FXN: variants seen among roughly 807,000 people sequenced by gnomAD.
FXN encodes frataxin.
FXN carries 14 observed loss-of-function variants against 22.4 expected under a neutral mutation model. That is an observed-to-expected ratio of 0.62 (90% CI 0.41 to 0.98). The LOEUF (loss-of-function observed/expected upper bound fraction) is 0.98. Among genes scored for constraint, FXN ranks in the 50% least tolerant of loss-of-function variants. FXN has a pLI of 0.00. For missense variants in FXN, 267 were observed against 268.4 expected (o/e 0.99, Z 0.04); for synonymous variants, 120 against 114.1 (o/e 1.05, Z -0.33).
intron 1 of FXN, among the ~76,000 whole-genome samples, chr9:69,038,580 C>A (rs1347657387): frequency 1.3e-5 from 2 of 152,094 alleles, no homozygotes; most frequent in Non-Finnish European, 2.9e-5. Context: ...AATCCCAGGA[C>A]TTTGGGAGGC....
chr9:69,057,907 T>G (rs1487919541), intron 3 of FXN, among the ~76,000 whole-genome samples: 1 of 152,210 alleles, frequency 6.6e-6, no homozygotes, highest in Non-Finnish European at 1.5e-5. Context: ...CACACTGAGT[T>G]CCTCAACAGC....
intron 4 of FXN, among the ~76,000 whole-genome samples, chr9:69,066,349 TCTGTG>T (rs1832165626): frequency 3.3e-5 from 5 of 152,370 alleles, no homozygotes; most frequent in Middle Eastern, 3.4e-3. Flanking sequence ...CATTTATTAT[TCTGTG>T]ATCTCTAATG....
At chr9:69,041,652 G>C (rs747597972) in intron 1 of FXN, among the ~76,000 whole-genome samples, 13 of 152,228 alleles carry the variant, frequency 8.5e-5, no homozygotes, top group Middle Eastern at 3.2e-3. Flanking sequence ...GACAGGGCCG[G>C]GGGTGACAAG....
At chr9:69,066,911 G>C (rs1463209631) in intron 4 of FXN, among the ~76,000 whole-genome samples, 3 of 151,950 alleles carry the variant, frequency 2.0e-5, no homozygotes, top group Admixed American at 6.6e-5. Flanking sequence ...TTGAGACTGG[G>C]TGAGACTGAA....
rs1192858862 is a variant in FXN at position 69,075,957 on chromosome 9, G to A, written c.*3195G>A. 19 of 912,602 alleles carry A rather than the reference G, an allele frequency of 2.1e-5. No individual in the cohort carries two copies. The highest frequency in any genetic ancestry group is 5.4e-5 in the African/African-American group (3 of 55,428). The allele number at this position is 912,602 out of a possible 1,614,324, so 56.5% of individuals were successfully genotyped here. ...TAGGCTCAAGTGATCCACCTGCCTC[G>A]TCCTCCCAAGATGCTGGGATTACAG... On this transcript the variant is annotated 3_prime_UTR_variant, in exon 5 of 5. Transcript: ENST00000484259.
intron 2 of FXN, among the ~76,000 whole-genome samples, chr9:69,049,260 C>G (rs1341169096): frequency 6.6e-6 from 1 of 152,128 alleles, no homozygotes. Context: ...TCAAATTCTT[C>G]AAGACACGTC....
At chr9:69,037,534 A>G (rs1168947111) in intron 1 of FXN, among the ~76,000 whole-genome samples, 1 of 152,196 alleles carries the variant, frequency 6.6e-6, no homozygotes, top group Non-Finnish European at 1.5e-5. Context: ...AAAATAGGCA[A>G]GTGTGGCCAT....
intron 3 of FXN, among the ~76,000 whole-genome samples, chr9:69,057,922 A>T (rs1831989836): frequency 6.6e-6 from 1 of 152,184 alleles, no homozygotes; most frequent in Admixed American, 6.5e-5. Context: ...AACAGCAGGG[A>T]CACTGTCCAT....
rs116807619 is a variant in FXN, at chr9:69,059,738, A to G, written c.385-5200A>G. On this transcript the variant is annotated intron_variant, in intron 3 of 4. Coordinates refer to ENST00000484259, the MANE Select transcript of FXN (RefSeq NM_000144.5). ...GCACCATCTCATTGGATATGGAGAC[A>G]AAGGATCTGGCTTAGCATCCTGGAT... 7.3e-3 allele frequency among the ~76,000 whole-genome samples: 1,109 copies of G among 152,158 alleles called. 12 individuals carry two copies. Among genetic ancestry groups the G allele is most frequent in the African/African-American group, 0.026 (1,060 of 41,514 alleles).
chr9:69,042,128 C>T (rs1326179359), intron 1 of FXN, among the ~76,000 whole-genome samples: 1 of 151,982 alleles, frequency 6.6e-6, no homozygotes, highest in Non-Finnish European at 1.5e-5. Context: ...ATCCCAGCTA[C>T]TCAGGAGGCT....
At position 69,075,979 on chromosome 9, in the gene FXN, A is replaced by C; in HGVS notation, c.*3217A>C. ...CTCGTCCTCCCAAGATGCTGGGATT[A>C]CAGGTGTGTGCCACAGGTGTTCATC... On this transcript the variant is annotated 3_prime_UTR_variant, in exon 5 of 5. Coordinates refer to ENST00000484259, the MANE Select transcript of FXN (RefSeq NM_000144.5). The C allele has an allele frequency of 1.0e-6, 1 of 975,162 alleles. No homozygotes were observed. The highest frequency in any genetic ancestry group is 1.2e-6 in the Non-Finnish European group (1 of 820,740). 60.4% of individuals were successfully genotyped at this position (975,162 alleles called of 1,614,324 possible). A position where few individuals can be genotyped will look rare whatever the true frequency, so the allele number is the denominator to read the frequency against.
chr9:69,073,153 G>A lies in FXN; in HGVS notation c.*391G>A, dbSNP rs1832304652. On this transcript the variant is annotated 3_prime_UTR_variant, in exon 5 of 5. Coordinates refer to ENST00000484259, the MANE Select transcript of FXN (RefSeq NM_000144.5). ...GAAGGATTTACTGCAAGAAGTACATGAAGAGCAGCTGGTCAACCTGCTCAC... is the reference window on the plus strand; with the variant it reads ...GAAGGATTTACTGCAAGAAGTACATAAAGAGCAGCTGGTCAACCTGCTCAC... 1.1e-5 allele frequency: 12 copies of A among 1,114,658 alleles called. No homozygotes were observed. The highest frequency in any genetic ancestry group is 1.3e-5 in the Non-Finnish European group (12 of 908,472). The allele number at this position is 1,114,658 out of a possible 1,614,324, so 69.0% of individuals were successfully genotyped here. A position where few individuals can be genotyped will look rare whatever the true frequency, so the allele number is the denominator to read the frequency against.
At position 69,078,987 on chromosome 9, in the gene FXN, G is replaced by A. The variant is rs1832419236; in HGVS notation, c.*6225G>A. 1.1e-6 allele frequency: 1 copy of A among 878,276 alleles called. No individual in the cohort carries two copies. Among genetic ancestry groups the A allele is most frequent in the Non-Finnish European group, 1.4e-6 (1 of 732,522 alleles). The allele number at this position is 878,276 out of a possible 1,614,324, so 54.4% of individuals were successfully genotyped here. A position where few individuals can be genotyped will look rare whatever the true frequency, so the allele number is the denominator to read the frequency against. On this transcript the variant is annotated 3_prime_UTR_variant, in exon 5 of 5. Transcript: ENST00000484259. ...GCCCTAGCATCTTGCACAGTTCCTT[G>A]CACACAATTAGAGCTCTATAAATGT...
rs1832303212 is a variant in FXN, at chr9:69,073,073, A to G, written c.*311A>G. ...TAACAACCTTTAAAAAAGCAAAATA[A>G]TAAGAAGGAAAAATTCCAGGAGGGA... On this transcript the variant is annotated 3_prime_UTR_variant, in exon 5 of 5. Transcript: ENST00000484259. 8.3e-7 allele frequency: 1 copy of G among 1,211,556 alleles called. No individual in the cohort carries two copies. Among genetic ancestry groups the G allele is most frequent in the Non-Finnish European group, 1.0e-6 (1 of 968,908 alleles). 75.1% of individuals were successfully genotyped at this position (1,211,556 alleles called of 1,614,324 possible).
intron 3 of FXN, 31 bp from the exon 4 acceptor site, chr9:69,064,903 ATTTC>A (rs1478826573): frequency 1.5e-6 from 2 of 1,356,592 alleles, no homozygotes; most frequent in Non-Finnish European, 1.1e-6. Flanking sequence ...TCTTGTTTTA[ATTTC>A]TTTATGCTTT....
chr9:69,036,091 C>G (rs1315427596), intron 1 of FXN, 144 bp downstream of exon 1: 7 of 628,156 alleles, frequency 1.1e-5, no homozygotes, highest in Admixed American at 9.6e-5. Context: ...CAGGGCGGCC[C>G]GGCGGAAGCG....
intron 4 of FXN, among the ~76,000 whole-genome samples, chr9:69,065,320 C>T (rs1832150149): frequency 6.6e-6 from 1 of 152,162 alleles, no homozygotes; most frequent in Non-Finnish European, 1.5e-5. Context: ...GCCTGTGGAT[C>T]ACTTGAGCTC....
At chr9:69,035,983 C>CGCCGCGG (rs914672079) in intron 1 of FXN, 36 bp downstream of exon 1, 5 of 1,381,034 alleles carry the variant, frequency 3.6e-6, no homozygotes, top group African/African-American at 3.3e-5. Context: ...GCGGGCCGCA[C>CGCCGCGG]GCCGCGGGCC....
At position 69,076,286 on chromosome 9, in the gene FXN, C is replaced by T; in HGVS notation, c.*3524C>T. 1.0e-6 allele frequency: 1 copy of T among 984,338 alleles called. No individual in the cohort carries two copies. The highest frequency in any genetic ancestry group is 1.2e-6 in the Non-Finnish European group (1 of 829,706). The allele number at this position is 984,338 out of a possible 1,614,324, so 61.0% of individuals were successfully genotyped here. A position where few individuals can be genotyped will look rare whatever the true frequency, so the allele number is the denominator to read the frequency against. On this transcript the variant is annotated 3_prime_UTR_variant, in exon 5 of 5. Coordinates refer to ENST00000484259, the MANE Select transcript of FXN (RefSeq NM_000144.5). ...TGAGCCTGGGCCCACAGGCAAAGCA[C>T]AATCCTGATGTGAGAAGTACTCAGT...
Sources: allele counts gnomAD v4.1 joint callset (sites outside exome capture counted in the v4.1 genomes callset), GRCh38; gene constraint gnomAD v4.1.1; transcripts MANE v1.5; gene names NCBI Gene and HGNC (gene_info 2026-07-23, HGNC 2026-07-21).